Variants in MTARC1 observed in about 807,000 individuals in gnomAD.
MTARC1 encodes mitochondrial amidoxime-reducing component 1.
MTARC1 carries 24 observed loss-of-function variants against 33.6 expected under a neutral mutation model. The ratio of observed to expected loss-of-function variants is 0.72; its 90% CI spans 0.52 to 1.01. The LOEUF (loss-of-function observed/expected upper bound fraction) is 1.01. MTARC1 is among the 50% of genes least tolerant of loss of function. The pLI, the probability that MTARC1 is intolerant of heterozygous loss-of-function variation, is 0.00. For synonymous variants in MTARC1, 187 were observed against 189.5 expected, an observed-to-expected ratio of 0.99 and a Z score of 0.11; for missense variants, 417 against 445.7, an observed-to-expected ratio of 0.94 and a Z score of 0.58.
At chr1:220,788,662 G>C (rs1209682051) in intron 1 of MTARC1, among the ~76,000 whole-genome samples, 1 of 151,900 alleles carries the variant, frequency 6.6e-6, no homozygotes, top group African/African-American at 2.4e-5. Flanking sequence ...GGTGGTGGGC[G>C]CCTGTAGTCC....
rs1477029279 is a variant in MTARC1 at position 220,818,577 on chromosome 1, T to G, written c.*5159T>G. On this transcript the variant is annotated 3_prime_UTR_variant, in exon 7 of 7. Coordinates refer to ENST00000366910, the MANE Select transcript of MTARC1 (RefSeq NM_022746.4). ...CCTTCCTTGTGAAACCCACAACCCC[T>G]AGTCCCTCCCCTTCCCTGGCATTTG... The G allele has an allele frequency of 1.3e-5, 2 of 152,200 alleles. No individual in the cohort carries two copies. The highest frequency in any genetic ancestry group is 2.9e-5 in the Non-Finnish European group (2 of 68,060). The allele number at this position is 152,200 out of a possible 1,614,324, so 9.4% of individuals were successfully genotyped here. A position where few individuals can be genotyped will look rare whatever the true frequency, so the allele number is the denominator to read the frequency against.
Position 220,811,873 on chromosome 1 carries a change from C to T in MTARC1, c.888-1419C>T, listed in dbSNP as rs143736177. Among the ~76,000 whole-genome samples the T allele has an allele frequency of 2.3e-4, 35 of 152,332 alleles. No homozygotes were observed. The East Asian group carries it at 4.4e-3, about 19-fold the overall frequency. ...CCAGCCAGCAAACAATGGTGGGTCA[C>T]AGGTGATGTAGGAGGCCCGGCATTG... On this transcript the variant is annotated intron_variant, in intron 6 of 6. Coordinates refer to ENST00000366910, the MANE Select transcript of MTARC1 (RefSeq NM_022746.4).
intron 4 of MTARC1, among the ~76,000 whole-genome samples, chr1:220,801,775 G>A (rs1360262868): frequency 6.6e-6 from 1 of 152,106 alleles, no homozygotes; most frequent in Non-Finnish European, 1.5e-5. Flanking sequence ...CGGGGCCAGG[G>A]TGCAGCTGGG....
At chr1:220,797,522 A>G (rs2102594638) in intron 3 of MTARC1, among the ~76,000 whole-genome samples, 1 of 152,356 alleles carries the variant, frequency 6.6e-6, no homozygotes, top group African/African-American at 2.4e-5. Flanking sequence ...GAATTAGTGA[A>G]CATTTAAATC....
chr1:220,798,374 T>TA, intron 4 of MTARC1: 1 of 1,193,226 alleles, frequency 8.4e-7, no homozygotes, highest in Non-Finnish European at 1.1e-6. Context: ...AGGATGGTCT[T>TA]ACTGTTTAGT....
chr1:220,790,859 C>T (rs933156949), intron 1 of MTARC1: 2 of 151,804 alleles, frequency 1.3e-5, no homozygotes, highest in Non-Finnish European at 2.9e-5. Flanking sequence ...ATCTTTTTTT[C>T]TAGGAAGTAC....
chr1:220,804,633 A>G (rs958527131), intron 4 of MTARC1, among the ~76,000 whole-genome samples: 2 of 152,138 alleles, frequency 1.3e-5, no homozygotes, highest in African/African-American at 2.4e-5. Context: ...CTTGATCCAT[A>G]TAACTTCAGG....
At chr1:220,796,896 T>C (rs2102593980) in intron 3 of MTARC1, 91 bp downstream of exon 3, 2 of 1,362,818 alleles carry the variant, frequency 1.5e-6, no homozygotes, top group Non-Finnish European at 9.8e-7. Context: ...GGCTCTGTTG[T>C]TTTCTGGGGC....
At chr1:220,812,572 G>A (rs1571685103) in intron 6 of MTARC1, among the ~76,000 whole-genome samples, 2 of 152,220 alleles carry the variant, frequency 1.3e-5, no homozygotes, top group East Asian at 3.9e-4. Flanking sequence ...GCTGCGGACA[G>A]GCTGTGGGAA....
Position 220,786,990 on chromosome 1 carries a change from G to C in MTARC1, c.46G>C (p.Ala16Pro), listed in dbSNP as rs1409238416. The change falls in exon 1 of 7, where the codon GCG (alanine) becomes CCG (proline). Residue 16 changes from alanine to proline, a missense_variant. Physicochemically the swap from Ala to Pro is conservative, Grantham distance 27. Transcript: ENST00000366910. ...SSALARFVLL[A>P]QSRPGWLGVA... Reference sequence around the variant, plus strand: ...CGCGCTGGCGCGCTTTGTCCTCCTCGCGCAATCCCGGCCCGGGTGGCTCGG... The same window carrying C: ...CGCGCTGGCGCGCTTTGTCCTCCTCCCGCAATCCCGGCCCGGGTGGCTCGG... 12 of 1,283,548 alleles carry C rather than the reference G, an allele frequency of 9.3e-6. No homozygotes were observed. Among genetic ancestry groups the C allele is most frequent in the Non-Finnish European group, 1.2e-5 (12 of 1,022,160 alleles). The allele number at this position is 1,283,548 out of a possible 1,614,324, so 79.5% of individuals were successfully genotyped here.
intron 6 of MTARC1, among the ~76,000 whole-genome samples, chr1:220,813,031 T>C (rs573981103): frequency 9.8e-5 from 15 of 152,290 alleles, no homozygotes; most frequent in South Asian, 2.1e-4. Flanking sequence ...TGGCCAAGTA[T>C]CTAACGTCTT....
At chr1:220,808,989 AC>A (rs1325714066) in intron 6 of MTARC1, 8 of 448,140 alleles carry the variant, frequency 1.8e-5, no homozygotes, top group South Asian at 1.3e-4. Context: ...AAAAAAAAAA[AC>A]GTTTTGCTGG....
chr1:220,813,232 T>G (rs1673193004), intron 6 of MTARC1, 60 bp from the exon 7 acceptor site: 1 of 1,611,908 alleles, frequency 6.2e-7, no homozygotes, highest in Admixed American at 1.7e-5. Flanking sequence ...GGAAGCCACG[T>G]GCTGGTTGAG....
rs1277705172 is a variant in MTARC1 at position 220,786,989 on chromosome 1, C to T, written c.45C>T (p.Leu15=). The part of the protein sequence containing the change: ...GSSALARFVL[L]AQSRPGWLGV... ...CCGCGCTGGCGCGCTTTGTCCTCCT[C>T]GCGCAATCCCGGCCCGGGTGGCTCG... Residue 15 remains leucine, a synonymous_variant, in exon 1 of 7, where the codon CTC becomes CTT. Transcript: ENST00000366910. The T allele has an allele frequency of 7.8e-7, 1 of 1,283,728 alleles. No individual in the cohort carries two copies. Among genetic ancestry groups the T allele is most frequent in the Non-Finnish European group, 9.8e-7 (1 of 1,022,250 alleles). 79.5% of individuals were successfully genotyped at this position (1,283,728 alleles called of 1,614,324 possible).
At chr1:220,810,333 C>T (rs1558094326) in intron 6 of MTARC1, among the ~76,000 whole-genome samples, 1 of 152,198 alleles carries the variant, frequency 6.6e-6, no homozygotes, top group African/African-American at 2.4e-5. Flanking sequence ...CTAGTGACCT[C>T]GTTGAGTCTT....
chr1:220,801,211 C>T (rs563384092), intron 4 of MTARC1, among the ~76,000 whole-genome samples: 4 of 152,130 alleles, frequency 2.6e-5, no homozygotes, highest in Non-Finnish European at 5.9e-5. Context: ...CTTACTCTGC[C>T]CCAGCCATAC....
At chr1:220,809,837 T>C (rs1673074461) in intron 6 of MTARC1, among the ~76,000 whole-genome samples, 1 of 152,208 alleles carries the variant, frequency 6.6e-6, no homozygotes, top group African/African-American at 2.4e-5. Context: ...TCATGAGGCC[T>C]CAGGAATGGC....
intron 4 of MTARC1, among the ~76,000 whole-genome samples, chr1:220,801,743 C>T (rs1401829716): frequency 6.6e-6 from 1 of 152,090 alleles, no homozygotes; most frequent in Non-Finnish European, 1.5e-5. Flanking sequence ...CTGCCAGGAG[C>T]CTGGAGAAGG....
chr1:220,787,622 G>A (rs1345213897), intron 1 of MTARC1, among the ~76,000 whole-genome samples: 1 of 151,930 alleles, frequency 6.6e-6, no homozygotes, highest in African/African-American at 2.4e-5. Context: ...TTGAGATCTT[G>A]GAGAAAGCTG....
Sources: allele counts gnomAD v4.1 joint callset (sites outside exome capture counted in the v4.1 genomes callset), GRCh38; gene constraint gnomAD v4.1.1; transcripts MANE v1.5; gene names NCBI Gene and HGNC (gene_info 2026-07-23, HGNC 2026-07-21).